MAP3K21: variants seen among roughly 807,000 people sequenced by gnomAD.
The protein encoded by MAP3K21 is mitogen-activated protein kinase kinase kinase MLK4.
Under a neutral mutation model 86.1 loss-of-function variants are expected in MAP3K21, and 63 were observed. That is an observed-to-expected ratio of 0.73 (90% CI 0.60 to 0.90). The LOEUF (loss-of-function observed/expected upper bound fraction) is 0.90, where lower values mean the gene tolerates loss of function less well. Among genes scored for constraint, MAP3K21 ranks in the 40% least tolerant of loss-of-function variants. MAP3K21 has a pLI of 0.00. For synonymous variants in MAP3K21, 558 were observed against 564.8 expected (o/e 0.99, Z 0.17); for missense variants, 1,220 against 1,367.7 (o/e 0.89, Z 1.70).
In MAP3K21 at chr1:233,376,064, A is replaced by G; in HGVS notation, c.1824A>G (p.Glu608=). The G allele has an allele frequency of 1.2e-6, 2 of 1,601,940 alleles. No homozygotes were observed. Among genetic ancestry groups the G allele is most frequent in the South Asian group, 1.1e-5 (1 of 88,108 alleles). The change falls in exon 7 of 10, where the codon GAA becomes GAG. Residue 608 remains glutamate (E), a splice_region_variant and synonymous_variant. Transcript: ENST00000366624. ...IQMKDRTDCK[E]RIRPLSDGNS... is the part of the protein sequence containing the mutation. ...TGAAAGATAGAACAGATTGCAAAGA[A>G]AGGTACGTGTGTGGTATCTGGTGGT...
At chr1:233,354,594 A>G (rs1239126296) in intron 3 of MAP3K21, among the ~76,000 whole-genome samples, 1 of 152,194 alleles carries the variant, frequency 6.6e-6, no homozygotes, top group Non-Finnish European at 1.5e-5. Flanking sequence ...TATAATATAG[A>G]CAGCAACAGC....
intron 5 of MAP3K21, 32 bp downstream of exon 5, chr1:233,362,325 T>C: frequency 6.2e-7 from 1 of 1,606,856 alleles, no homozygotes; most frequent in African/African-American, 1.3e-5. Flanking sequence ...TTTGAAAGAT[T>C]TTTGTGTGTC....
Position 233,379,708 on chromosome 1 carries a change from C to T in MAP3K21, c.2702C>T (p.Pro901Leu). 1.9e-6 allele frequency: 3 copies of T among 1,606,114 alleles called. 1 individual carries two copies. The highest frequency in any genetic ancestry group is 2.5e-6 in the Non-Finnish European group (3 of 1,176,680). ...ACCATGTCTGATGGAAATCCGACCC[C>T]AAGTAGGTTGCATTAATTAGGTAAA... is the stretch of plus-strand genomic sequence containing the variant. The part of the protein sequence containing the change: ...RRTMSDGNPT[P>L]TGATIISATG... Residue 901 changes from proline (P) to leucine (L), a missense_variant and splice_region_variant, in exon 9 of 10, where the codon CCA becomes CTA. Coordinates refer to ENST00000366624, the MANE Select transcript of MAP3K21 (RefSeq NM_032435.3).
chr1:233,346,661 T>C (rs759326951), intron 2 of MAP3K21, 39 bp downstream of exon 2: 1 of 1,567,548 alleles, frequency 6.4e-7, no homozygotes. Flanking sequence ...AGAAACTGCT[T>C]GCTATGCTTT....
At position 233,377,197 on chromosome 1, in the gene MAP3K21, T is replaced by C. The variant is rs1482845296; in HGVS notation, c.1924+670T>C. Among the ~76,000 whole-genome samples, 4 of 152,228 alleles carry C rather than the reference T, an allele frequency of 2.6e-5. No homozygotes were observed. The East Asian group carries it at 7.7e-4, about 29-fold the overall frequency. On this transcript the variant is annotated intron_variant, in intron 8 of 9. Coordinates refer to ENST00000366624, the MANE Select transcript of MAP3K21 (RefSeq NM_032435.3). ...TTAAATGAATCATAATGATTTACTT[T>C]CAATATTCTATATTTGTATTCAGTA...
At chr1:233,339,407 C>G (rs1294269) in intron 1 of MAP3K21, among the ~76,000 whole-genome samples, 1 of 38,414 alleles carries the variant, frequency 2.6e-5, no homozygotes, top group Non-Finnish European at 4.7e-5. Flanking sequence ...TTCTCCTCCT[C>G]CTCCTCCTCC....
intron 1 of MAP3K21, among the ~76,000 whole-genome samples, chr1:233,332,592 G>A (rs1184880029): frequency 1.3e-5 from 2 of 152,174 alleles, no homozygotes; most frequent in South Asian, 2.1e-4. Flanking sequence ...TTTCAAGGTT[G>A]TCTATATGAG....
At position 233,379,408 on chromosome 1, in the gene MAP3K21, T is replaced by A; in HGVS notation, c.2402T>A (p.Ile801Asn). The change falls in exon 9 of 10, where the codon ATC becomes AAC. Residue 801 changes from isoleucine (I) to asparagine (N), a missense_variant. Physicochemically the swap from Ile to Asn is moderately radical, Grantham distance 149 (BLOSUM62 -3). Around this residue, in one of 5 missense-constraint regions of MAP3K21, gnomAD observed 632 missense variants for 691.3 expected, o/e 0.91. Coordinates refer to ENST00000366624, the MANE Select transcript of MAP3K21 (RefSeq NM_032435.3). ...PSLPLSSALGILSTPSFSTKC... is the reference protein window; with the variant it reads ...PSLPLSSALGNLSTPSFSTKC... ...CTGCCACTGTCAAGTGCCCTGGGCATCCTCTCCACACCTTCTTTCTCCACA... is the reference window on the plus strand; with the variant it reads ...CTGCCACTGTCAAGTGCCCTGGGCAACCTCTCCACACCTTCTTTCTCCACA... 6.2e-7 allele frequency: 1 copy of A among 1,614,204 alleles called. No homozygotes were observed. The highest frequency in any genetic ancestry group is 1.3e-5 in the African/African-American group (1 of 75,050).
At chr1:233,381,516 A>G (rs1022677409) in intron 9 of MAP3K21, among the ~76,000 whole-genome samples, 19 of 152,242 alleles carry the variant, frequency 1.2e-4, no homozygotes, top group Non-Finnish European at 2.4e-4. Flanking sequence ...CTATATTAAG[A>G]CAAACTGCTT....
chr1:233,328,504 A>G lies in MAP3K21; in HGVS notation c.476A>G (p.Gln159Arg). The change falls in exon 1 of 10, where the codon CAG becomes CGG. Residue 159 changes from glutamine to arginine, a missense_variant. Around this residue, in one of 5 missense-constraint regions of MAP3K21, gnomAD observed 369 missense variants for 385.3 expected, o/e 0.96. Coordinates refer to ENST00000366624, the MANE Select transcript of MAP3K21 (RefSeq NM_032435.3). This position sits in a 1 kb window ranked among gnomAD's most constrained non-coding sequence, Gnocchi z 8.7. Reference sequence around the variant, plus strand: ...AAGGCGGCGCGCCAGGACCCGGAGCAGGACGCGGCGGCGGCTGCCGAGAGC... The same window carrying G: ...AAGGCGGCGCGCCAGGACCCGGAGCGGGACGCGGCGGCGGCTGCCGAGAGC... Reference protein sequence around the residue: ...AVKAARQDPEQDAAAAAESVR... With the variant: ...AVKAARQDPERDAAAAAESVR... 1 of 1,524,134 alleles carries G rather than the reference A, an allele frequency of 6.6e-7. No homozygotes were observed. The highest frequency in any genetic ancestry group is 8.7e-7 in the Non-Finnish European group (1 of 1,146,086). 94.4% of individuals were successfully genotyped at this position (1,524,134 alleles called of 1,614,324 possible). A position where few individuals can be genotyped will look rare whatever the true frequency, so the allele number is the denominator to read the frequency against.
intron 1 of MAP3K21, among the ~76,000 whole-genome samples, chr1:233,334,266 A>C (rs1342944665): frequency 2.0e-5 from 3 of 151,110 alleles, no homozygotes; most frequent in African/African-American, 4.9e-5. Flanking sequence ...CAGCCTCCCA[A>C]AGTGCTGGGA....
rs998137407 is a variant in MAP3K21, at chr1:233,328,372, C to G, written c.344C>G (p.Ser115Cys). 6.7e-7 allele frequency: 1 copy of G among 1,482,808 alleles called. No homozygotes were observed. Among genetic ancestry groups the G allele is most frequent in the African/African-American group, 1.5e-5 (1 of 68,156 alleles). 91.9% of individuals were successfully genotyped at this position (1,482,808 alleles called of 1,614,324 possible). A position where few individuals can be genotyped will look rare whatever the true frequency, so the allele number is the denominator to read the frequency against. The stretch of plus-strand genomic sequence containing the variant: ...GCGCCGCCGCCCTCGCGGCCCAGCT[C>G]CCCGGTACACGTCGCCTTCGAGCGG... ...SPAPPPSRPS[S>C]PVHVAFERLE... The change falls in exon 1 of 10, where the codon TCC (serine) becomes TGC (cysteine). Residue 115 changes from serine (S) to cysteine (C), a missense_variant. Coordinates refer to ENST00000366624, the MANE Select transcript of MAP3K21 (RefSeq NM_032435.3). The surrounding 1 kb of genome is among the most constrained non-coding windows in gnomAD (Gnocchi z 8.7).
chr1:233,327,883 C>T lies in MAP3K21; in HGVS notation c.-146C>T. 1.8e-6 allele frequency: 1 copy of T among 558,226 alleles called. No individual in the cohort carries two copies. Among genetic ancestry groups the T allele is most frequent in the Non-Finnish European group, 2.6e-6 (1 of 379,274 alleles). The allele number at this position is 558,226 out of a possible 1,614,324, so 34.6% of individuals were successfully genotyped here. On this transcript the variant is annotated 5_prime_UTR_variant, in exon 1 of 10. Coordinates refer to ENST00000366624, the MANE Select transcript of MAP3K21 (RefSeq NM_032435.3). ...GGCTGGACCCTTTGGGCAGCTAGCCCGTGATCTCTGCCGTCACCGATCGCG... is the reference window on the plus strand; with the variant it reads ...GGCTGGACCCTTTGGGCAGCTAGCCTGTGATCTCTGCCGTCACCGATCGCG...
At position 233,355,496 on chromosome 1, in the gene MAP3K21, G is replaced by A. The variant is rs182424676; in HGVS notation, c.1311+485G>A. 1.8e-4 allele frequency among the ~76,000 whole-genome samples: 28 copies of A among 152,330 alleles called. No individual in the cohort carries two copies. In the East Asian group the frequency reaches 4.0e-3, roughly 22 times the overall value. ...ATTTTTCTTACTACATGCTGGGACA[G>A]TGCCAGAGTCCTAGAACTCAGAGAT... is the stretch of plus-strand genomic sequence containing the variant. On this transcript the variant is annotated intron_variant, in intron 4 of 9. Coordinates refer to ENST00000366624, the MANE Select transcript of MAP3K21 (RefSeq NM_032435.3).
chr1:233,338,668 G>A (rs191844833), intron 1 of MAP3K21, among the ~76,000 whole-genome samples: 56 of 152,338 alleles, frequency 3.7e-4, no homozygotes, highest in African/African-American at 1.1e-3. Context: ...CAAGAGGCCA[G>A]TGTGCTGGGA....
At chr1:233,339,306 CTT>C (rs1662983125) in intron 1 of MAP3K21, among the ~76,000 whole-genome samples, 4 of 90,550 alleles carry the variant, frequency 4.4e-5, no homozygotes, top group South Asian at 3.7e-4. Context: ...TCTTCTTCCT[CTT>C]CTTCTTCCTC....
At chr1:233,358,077 C>CT (rs1283915289) in intron 4 of MAP3K21, among the ~76,000 whole-genome samples, 13 of 147,510 alleles carry the variant, frequency 8.8e-5, no homozygotes. Context: ...TTTTTTTATA[C>CT]TTTAAGTTCT....
rs147487225 is a variant in MAP3K21, at chr1:233,370,487, T to C, written c.1553-1551T>C. Among the ~76,000 whole-genome samples the C allele has an allele frequency of 8.3e-3, 1,263 of 152,278 alleles. 12 individuals carry two copies. The highest frequency in any genetic ancestry group is 0.013 in the Non-Finnish European group (911 of 68,002). On this transcript the variant is annotated intron_variant, in intron 5 of 9. Transcript: ENST00000366624. The stretch of plus-strand genomic sequence containing the variant: ...ATATGTAGGGTAACAGAAAAGACAA[T>C]ATCAAGAAAAGTATTCAGATTTCTA...
intron 1 of MAP3K21, among the ~76,000 whole-genome samples, chr1:233,338,210 C>A (rs1049266939): frequency 6.6e-6 from 1 of 152,196 alleles, no homozygotes; most frequent in African/African-American, 2.4e-5. Flanking sequence ...AGTATATGAG[C>A]AATGTGAAGT....
Sources: gnomAD v4.1 joint callset for allele counts (sites outside exome capture counted in the v4.1 genomes callset) on GRCh38, gnomAD v4.1.1 for gene constraint, gnomAD v4.1.1 regional missense constraint, Gnocchi (gnomAD v3.1) non-coding constraint, MANE v1.5 for transcripts, NCBI Gene and HGNC (gene_info 2026-07-23, HGNC 2026-07-21) for gene names.